DLGAP2: variants seen among roughly 807,000 people sequenced by gnomAD.
DLGAP2 encodes DLG associated protein 2.
Under a neutral mutation model 100.3 loss-of-function variants are expected in DLGAP2, and 26 were observed. The observed-to-expected ratio is 0.26, with a 90% confidence interval of 0.19 to 0.36. The LOEUF (loss-of-function observed/expected upper bound fraction) is 0.36. Ranked by LOEUF, DLGAP2 falls within the 10% of genes least tolerant of loss-of-function variation. DLGAP2 has a pLI of 1.00. For missense variants in DLGAP2, 1,858 were observed against 1,453.2 expected (o/e 1.28, Z -4.53); for synonymous variants, 886 against 630.1 (o/e 1.41, Z -6.08).
intron 3 of DLGAP2, among the ~76,000 whole-genome samples, chr8:1,284,018 T>C (rs1799873387): frequency 6.6e-6 from 1 of 152,236 alleles, no homozygotes; most frequent in Non-Finnish European, 1.5e-5. Flanking sequence ...GCTTCTTTTA[T>C]AGAGTCCAAA....
intron 6 of DLGAP2, among the ~76,000 whole-genome samples, chr8:1,616,553 C>G (rs1332605438): frequency 1.3e-5 from 2 of 152,110 alleles, no homozygotes; most frequent in African/African-American, 2.4e-5. Context: ...GCCTTATTGT[C>G]AGAAGCAATG....
At chr8:1,509,850 A>C (rs776210515) in intron 4 of DLGAP2, among the ~76,000 whole-genome samples, 1 of 152,200 alleles carries the variant, frequency 6.6e-6, no homozygotes, top group Non-Finnish European at 1.5e-5. Flanking sequence ...ATCATTGCTC[A>C]TACGCTGTGA....
At chr8:1,282,315 G>T (rs1304496144) in intron 3 of DLGAP2, among the ~76,000 whole-genome samples, 1 of 146,476 alleles carries the variant, frequency 6.8e-6, no homozygotes, top group Non-Finnish European at 1.5e-5. Flanking sequence ...GAACCATCCG[G>T]ACGTGGTGTG....
intron 3 of DLGAP2, among the ~76,000 whole-genome samples, chr8:1,367,520 C>T (rs957015508): frequency 7.2e-5 from 11 of 152,216 alleles, no homozygotes; most frequent in Non-Finnish European, 1.5e-4. Context: ...TCCAGGCACA[C>T]CCTGCTGGGG....
intron 4 of DLGAP2, among the ~76,000 whole-genome samples, chr8:1,508,193 C>G (rs1364015729): frequency 1.3e-5 from 2 of 151,788 alleles, no homozygotes; most frequent in Admixed American, 1.3e-4. Context: ...TTCTGGGGTG[C>G]ATTTACAGCT....
At chr8:890,978 C>T (rs1391870610) in intron 1 of DLGAP2, among the ~76,000 whole-genome samples, 1 of 152,106 alleles carries the variant, frequency 6.6e-6, no homozygotes, top group Non-Finnish European at 1.5e-5. Flanking sequence ...GCCCCCAGGA[C>T]CTGGGTCAGT....
chr8:1,367,070 G>A (rs1003307096), intron 3 of DLGAP2, among the ~76,000 whole-genome samples: 5 of 152,110 alleles, frequency 3.3e-5, no homozygotes, highest in African/African-American at 1.2e-4. Context: ...AAATAACACT[G>A]TTAACATTTA....
At chr8:1,010,381 ACAGT>A (rs758497582) in intron 2 of DLGAP2, among the ~76,000 whole-genome samples, 16 of 152,178 alleles carry the variant, frequency 1.1e-4, no homozygotes, top group East Asian at 5.8e-4. Flanking sequence ...ACATGTGTGC[ACAGT>A]CAGATATCAC....
At chr8:1,411,598 G>A (rs1237321628) in intron 3 of DLGAP2, among the ~76,000 whole-genome samples, 1 of 152,214 alleles carries the variant, frequency 6.6e-6, no homozygotes, top group Non-Finnish European at 1.5e-5. Context: ...GCAGGTGGTA[G>A]ACTTGAGGGC....
intron 2 of DLGAP2, among the ~76,000 whole-genome samples, chr8:1,242,152 A>G (rs1056505502): frequency 6.6e-6 from 1 of 152,220 alleles, no homozygotes; most frequent in Non-Finnish European, 1.5e-5. Context: ...AAACAACAGA[A>G]CATTAATTAA....
intron 2 of DLGAP2, among the ~76,000 whole-genome samples, chr8:997,352 C>T (rs1800810214): frequency 6.6e-6 from 1 of 152,188 alleles, no homozygotes; most frequent in South Asian, 2.1e-4. Context: ...GATCATTTTA[C>T]TTGATACTTT....
Position 1,127,147 on chromosome 8 carries a change from A to AC in DLGAP2, c.74-131700dup, listed in dbSNP as rs368796211. On this transcript the variant is annotated intron_variant, in intron 2 of 14. Coordinates refer to ENST00000637795, the MANE Select transcript of DLGAP2 (RefSeq NM_001346810.2). ...CTTGTGTTCCTGGAGCTCATGAGGGACCCCACCCTGTCCCCAACCCAGCTC... is the reference window on the plus strand; with the variant it reads ...CTTGTGTTCCTGGAGCTCATGAGGGACCCCCACCCTGTCCCCAACCCAGCTC... Among the ~76,000 whole-genome samples, 286 of 112,834 alleles carry AC rather than the reference A, an allele frequency of 2.5e-3. 1 individual carries two copies. The highest frequency in any genetic ancestry group is 9.4e-3 in the African/African-American group (264 of 28,024). The allele number at this position is 112,834 out of a possible 152,430, so 74.0% of individuals were successfully genotyped here. A position where few individuals can be genotyped will look rare whatever the true frequency, so the allele number is the denominator to read the frequency against.
At chr8:744,390 G>A (rs895692074) in intron 1 of DLGAP2, among the ~76,000 whole-genome samples, 2 of 152,196 alleles carry the variant, frequency 1.3e-5, no homozygotes, top group Admixed American at 1.3e-4. Flanking sequence ...GCCCTGGGTC[G>A]CATCTAATGA....
At chr8:1,220,607 CTA>C (rs1477638352) in intron 2 of DLGAP2, among the ~76,000 whole-genome samples, 1 of 152,128 alleles carries the variant, frequency 6.6e-6, no homozygotes, top group East Asian at 1.9e-4. Flanking sequence ...CTGTAGATAT[CTA>C]TTAGGTCTAT....
At position 839,371 on chromosome 8, in the gene DLGAP2, T is replaced by C. The variant is rs115544809; in HGVS notation, c.19-68541T>C. On this transcript the variant is annotated intron_variant, in intron 1 of 14. Transcript: ENST00000637795. ...GGTGAATGGATAAAATGTGCTGATA[T>C]AGATGCACAATGGAATACTATTGAG... Among the ~76,000 whole-genome samples the C allele has an allele frequency of 3.4e-3, 513 of 152,296 alleles. 3 individuals carry two copies. The highest frequency in any genetic ancestry group is 0.011 in the African/African-American group (454 of 41,550).
chr8:915,569 C>T (rs894537771), intron 2 of DLGAP2, among the ~76,000 whole-genome samples: 4 of 151,612 alleles, frequency 2.6e-5, no homozygotes, highest in South Asian at 2.1e-4. Flanking sequence ...AGAAACCCAT[C>T]GCTGGAATGA....
chr8:1,575,832 G>A (rs957326396), intron 6 of DLGAP2, among the ~76,000 whole-genome samples: 20 of 152,086 alleles, frequency 1.3e-4, no homozygotes, highest in African/African-American at 4.6e-4. Flanking sequence ...TTTCCATGGT[G>A]TATATGTGCC....
At chr8:1,018,484 G>A (rs572029419) in intron 2 of DLGAP2, among the ~76,000 whole-genome samples, 3 of 152,340 alleles carry the variant, frequency 2.0e-5, no homozygotes, top group South Asian at 4.1e-4. Context: ...GCTCAGCCAG[G>A]CCTGCCCTGC....
intron 3 of DLGAP2, among the ~76,000 whole-genome samples, chr8:1,357,590 A>G (rs1313809962): frequency 6.6e-6 from 1 of 152,156 alleles, no homozygotes; most frequent in East Asian, 1.9e-4. Flanking sequence ...ATATTCTTAC[A>G]GTTCCCTGGA....
Sources: allele counts gnomAD v4.1 joint callset (sites outside exome capture counted in the v4.1 genomes callset), GRCh38; gene constraint gnomAD v4.1.1; transcripts MANE v1.5; gene names NCBI Gene and HGNC (gene_info 2026-07-23, HGNC 2026-07-21).